IGFN1: variants seen among roughly 807,000 people sequenced by gnomAD.
The protein encoded by IGFN1 is immunoglobulin like and fibronectin type III domain containing 1, also known as immunoglobulin-like and fibronectin type III domain-containing protein 1.
Under a neutral mutation model 289.5 loss-of-function variants are expected in IGFN1, and 253 were observed. The observed-to-expected ratio is 0.87, with a 90% CI of 0.79 to 0.97. The LOEUF (loss-of-function observed/expected upper bound fraction) is 0.97, where lower values mean the gene tolerates loss of function less well. IGFN1 is among the 50% of genes least tolerant of loss of function. IGFN1 has a pLI of 0.00. For synonymous variants in IGFN1, 1,706 were observed against 1,788.5 expected (o/e 0.95, Z 1.16); for missense variants, 4,470 against 4,686.1 (o/e 0.95, Z 1.35).
At chr1:201,223,296 C>T (rs906963801) in intron 20 of IGFN1, among the ~76,000 whole-genome samples, 2 of 152,118 alleles carry the variant, frequency 1.3e-5, no homozygotes, top group African/African-American at 2.4e-5. Flanking sequence ...GTACAAACTG[C>T]CTGGGTTCAA....
At chr1:201,216,971 G>A (rs1653351525) in intron 16 of IGFN1, among the ~76,000 whole-genome samples, 1 of 152,112 alleles carries the variant, frequency 6.6e-6, no homozygotes. Flanking sequence ...TGAGGGTGTG[G>A]GCCAGCAAAG....
rs377011139 is a variant in IGFN1 at position 201,217,444 on chromosome 1, C to T, written c.9753C>T (p.Asn3251=). ...KKGSNTWTAV[N]DQPVPERRWT... ...GGAGCAACACCTGGACGGCAGTGAA[C>T]GACCAGCCGGTGCCTGGTGAGCATT... Residue 3251 remains asparagine, a synonymous_variant, in exon 17 of 24, where the codon AAC becomes AAT. Coordinates refer to ENST00000335211, the MANE Select transcript of IGFN1 (RefSeq NM_001164586.2). 7.4e-5 allele frequency: 120 copies of T among 1,614,028 alleles called. 1 individual carries two copies. Among genetic ancestry groups the T allele is most frequent in the East Asian group, 3.3e-4 (15 of 44,898 alleles).
chr1:201,209,407 G>A lies in IGFN1; in HGVS notation c.4514G>A (p.Gly1505Glu), dbSNP rs1034426958. The change falls in exon 12 of 24, where the codon GGG (glycine) becomes GAG (glutamate). Residue 1505 changes from glycine to glutamate, a missense_variant. Physicochemically the swap from Gly to Glu is moderately conservative, Grantham distance 98 (BLOSUM62 -2). Coordinates refer to ENST00000335211, the MANE Select transcript of IGFN1 (RefSeq NM_001164586.2). ...YRKDLGVSEG[G>E]GSGSKAGYRG... The stretch of plus-strand genomic sequence containing the variant: ...AAAGATTTGGGGGTTTCTGAGGGAG[G>A]GGGTTCAGGGAGCAAAGCAGGTTAT... The A allele has an allele frequency of 6.6e-7, 1 of 1,523,598 alleles. No homozygotes were observed. Among genetic ancestry groups the A allele is most frequent in the Non-Finnish European group, 8.8e-7 (1 of 1,140,724 alleles). 94.4% of individuals were successfully genotyped at this position (1,523,598 alleles called of 1,614,324 possible).
chr1:201,214,301 G>T lies in IGFN1; in HGVS notation c.8853G>T (p.Lys2951Asn). The T allele has an allele frequency of 6.2e-7, 1 of 1,606,282 alleles. No individual in the cohort carries two copies. Among genetic ancestry groups the T allele is most frequent in the South Asian group, 1.1e-5 (1 of 90,684 alleles). Residue 2951 changes from lysine to asparagine, a missense_variant and splice_region_variant, in exon 13 of 24, where the codon AAG becomes AAT. Lys to Asn is a moderately conservative substitution (Grantham distance 94). Coordinates refer to ENST00000335211, the MANE Select transcript of IGFN1 (RefSeq NM_001164586.2). ...GPGTWFKDGV[K>N]LTTQDGVIFK... ...GCACCTGGTTTAAGGATGGCGTCAA[G>T]GTACTGCCTCCCCTCACACCTTCTC...
chr1:201,194,359 T>C, intron 3 of IGFN1, 86 bp downstream of exon 3: 1 of 1,466,912 alleles, frequency 6.8e-7, no homozygotes, highest in Non-Finnish European at 9.2e-7. Flanking sequence ...CCAACCTTCC[T>C]GGGGACCCAG....
At position 201,224,680 on chromosome 1, in the gene IGFN1, C is replaced by T. The variant is rs770825578; in HGVS notation, c.10292C>T (p.Ala3431Val). The T allele has an allele frequency of 3.7e-6, 6 of 1,613,662 alleles. No homozygotes were observed. The East Asian group carries it at 6.7e-5, about 18-fold the overall frequency. ...DTVRVPVSFE[A>V]MPMPEVTWLK... ...CTTTTCCTTCCTCTCCTTTCTCAGG[C>T]CATGCCCATGCCTGAGGTGACCTGG... is the stretch of plus-strand genomic sequence containing the variant. The change falls in exon 21 of 24, where the codon GCC (alanine) becomes GTC (valine). Residue 3431 changes from alanine to valine, a missense_variant and splice_region_variant. Transcript: ENST00000335211.
chr1:201,216,126 C>G (rs1653246231), intron 15 of IGFN1: 2 of 653,612 alleles, frequency 3.1e-6, no homozygotes, highest in Non-Finnish European at 5.6e-6. Context: ...GGTCCCCAGC[C>G]CTGAGTGGTG....
At chr1:201,214,637 C>CTT (rs1327677596) in intron 13 of IGFN1, among the ~76,000 whole-genome samples, 2 of 152,068 alleles carry the variant, frequency 1.3e-5, no homozygotes, top group Non-Finnish European at 2.9e-5. Context: ...CCCTCGTCTC[C>CTT]CTGCACAATC....
At position 201,212,095 on chromosome 1, in the gene IGFN1, A is replaced by G. The variant is rs12070919; in HGVS notation, c.7202A>G (p.Asn2401Ser). The change falls in exon 12 of 24, where the codon AAC becomes AGC. Residue 2401 changes from asparagine to serine, a missense_variant. Coordinates refer to ENST00000335211, the MANE Select transcript of IGFN1 (RefSeq NM_001164586.2). ...TGGGTAGCATCAGAGGGTGACACGA[A>G]CTCCAAGGATGGTCCAGAGCGAGCC... ...GYWVASEGDT[N>S]SKDGPERARE... 1 allele frequency: 1,533,689 copies of G among 1,536,384 alleles called. 765,514 individuals are homozygous for G. Among genetic ancestry groups the G allele is most frequent in the East Asian group, 1 (40,902 of 40,902 alleles).
At chr1:201,200,828 C>CTTTTTTTTTTTT in intron 8 of IGFN1, among the ~76,000 whole-genome samples, 1 of 114,406 alleles carries the variant, frequency 8.7e-6, no homozygotes, top group Non-Finnish European at 1.9e-5. Flanking sequence ...TGGTTTATTT[C>CTTTTTTTTTTTT]TTTCTTTTTT....
At chr1:201,206,044 T>C in intron 11 of IGFN1, 39 bp from the exon 12 acceptor site, 2 of 1,350,484 alleles carry the variant, frequency 1.5e-6, no homozygotes, top group Non-Finnish European at 2.1e-6. Context: ...TCTCTCCATG[T>C]GGGCACTGAC....
chr1:201,228,280 C>A, intron 23 of IGFN1, 106 bp from the exon 24 acceptor site: 1 of 1,157,074 alleles, frequency 8.6e-7, no homozygotes, highest in Admixed American at 1.7e-5. Context: ...CCCCTGATGG[C>A]AGAGCCTGTA....
intron 5 of IGFN1, among the ~76,000 whole-genome samples, chr1:201,197,604 C>G (rs777075819): frequency 6.6e-6 from 1 of 152,236 alleles, no homozygotes; most frequent in Non-Finnish European, 1.5e-5. Context: ...AGAGCTTCTG[C>G]TAACTCATTC....
intron 21 of IGFN1, among the ~76,000 whole-genome samples, chr1:201,225,615 C>T (rs899028545): frequency 6.6e-6 from 1 of 152,310 alleles, no homozygotes; most frequent in Middle Eastern, 3.4e-3. Context: ...AACAAACACA[C>T]TGAAGTGAAT....
Position 201,208,792 on chromosome 1 carries a change from C to T in IGFN1, c.3899C>T (p.Ser1300Leu), listed in dbSNP as rs530833391. The change falls in exon 12 of 24, where the codon TCG becomes TTG. Residue 1300 changes from serine to leucine, a missense_variant. By Grantham distance (145) the Ser-to-Leu change is moderately radical. Coordinates refer to ENST00000335211, the MANE Select transcript of IGFN1 (RefSeq NM_001164586.2). Reference sequence around the variant, plus strand: ...TTGGGGGCTCCTGAGAATATGGGTTCGGGGAGCAAGGCAGATTATAGGGAT... The same window carrying T: ...TTGGGGGCTCCTGAGAATATGGGTTTGGGGAGCAAGGCAGATTATAGGGAT... ...KDLGAPENMG[S>L]GSKADYRDGV... 100 of 1,535,980 alleles carry T rather than the reference C, an allele frequency of 6.5e-5. No homozygotes were observed. The African/African-American group carries it at 9.3e-4, about 14-fold the overall frequency.
In IGFN1 at chr1:201,212,970, G is replaced by C; in HGVS notation, c.8077G>C (p.Asp2693His). 2 of 1,551,534 alleles carry C rather than the reference G, an allele frequency of 1.3e-6. No individual in the cohort carries two copies. The highest frequency in any genetic ancestry group is 1.4e-5 in the African/African-American group (1 of 73,164). Residue 2693 changes from aspartate to histidine, a missense_variant, in exon 12 of 24, where the codon GAT (aspartate) becomes CAT (histidine). By Grantham distance (81) the Asp-to-His change is moderately conservative. Coordinates refer to ENST00000335211, the MANE Select transcript of IGFN1 (RefSeq NM_001164586.2). ...AGGCRSPWSL[D>H]SKGSSPGRGS... Reference sequence around the variant, plus strand: ...TGGATGCCGAAGCCCATGGTCCCTGGATAGCAAAGGTTCAAGTCCTGGAAG... The same window carrying C: ...TGGATGCCGAAGCCCATGGTCCCTGCATAGCAAAGGTTCAAGTCCTGGAAG...
chr1:201,218,560 A>T lies in IGFN1; in HGVS notation c.9800A>T (p.Gln3267Leu). ...AGGTGGACGGTGGCGGACGTGCGGC[A>T]GGGCTGTCAGTATGAGTTCCGGGTC... is the stretch of plus-strand genomic sequence containing the variant. The part of the protein sequence containing the change: ...ERRWTVADVR[Q>L]GCQYEFRVTA... The change falls in exon 18 of 24, where the codon CAG (glutamine) becomes CTG (leucine). Residue 3267 changes from glutamine to leucine, a missense_variant. Gln to Leu is a moderately radical substitution (Grantham distance 113). Transcript: ENST00000335211. 6.2e-7 allele frequency: 1 copy of T among 1,613,546 alleles called. No homozygotes were observed. Among genetic ancestry groups the T allele is most frequent in the Non-Finnish European group, 8.5e-7 (1 of 1,179,958 alleles).
chr1:201,223,039 G>A (rs924151905), intron 20 of IGFN1: 3 of 408,556 alleles, frequency 7.3e-6, no homozygotes, highest in African/African-American at 2.0e-5. Flanking sequence ...CTTGGCGGCT[G>A]GGTGGCCATT....
intron 18 of IGFN1, 86 bp downstream of exon 18, chr1:201,218,744 G>A (rs982054449): frequency 4.3e-6 from 6 of 1,395,392 alleles, no homozygotes; most frequent in Non-Finnish European, 4.9e-6. Context: ...GAGGTCAAAG[G>A]TCACAGGTCG....
Sources: allele counts gnomAD v4.1 joint callset (sites outside exome capture counted in the v4.1 genomes callset), GRCh38; gene constraint gnomAD v4.1.1; transcripts MANE v1.5; gene names NCBI Gene and HGNC (gene_info 2026-07-23, HGNC 2026-07-21).